MYBL1: variants seen among roughly 807,000 people sequenced by gnomAD.
MYBL1 encodes the protein myb-related protein A.
Under a neutral mutation model 96.3 loss-of-function variants are expected in MYBL1, and 17 were observed. The observed-to-expected ratio is 0.18, with a 90% CI of 0.12 to 0.26. MYBL1 has a LOEUF of 0.26. Ranked by LOEUF, MYBL1 falls within the 10% of genes least tolerant of loss-of-function variation. The pLI, the probability that MYBL1 is intolerant of heterozygous loss-of-function variation, is 1.00. For synonymous variants in MYBL1, 282 were observed against 292.7 expected (o/e 0.96, Z 0.37); for missense variants, 701 against 882.9 (o/e 0.79, Z 2.61).
chr8:66,586,191 G>A (rs1809415091), intron 8 of MYBL1, among the ~76,000 whole-genome samples: 2 of 151,846 alleles, frequency 1.3e-5, no homozygotes, highest in South Asian at 4.2e-4. Context: ...GACTACAGGT[G>A]CTCACCACCA....
At chr8:66,583,794 C>T (rs1380954429) in intron 8 of MYBL1, among the ~76,000 whole-genome samples, 1 of 152,128 alleles carries the variant, frequency 6.6e-6, no homozygotes, top group African/African-American at 2.4e-5. Flanking sequence ...AGACCAATTA[C>T]AAGTAGCAAG....
chr8:66,564,142 T>G lies in MYBL1; in HGVS notation c.*555A>C, dbSNP rs563222820. On this transcript the variant is annotated 3_prime_UTR_variant, in exon 16 of 16. Transcript: ENST00000522677. ...TCAGTACTATGCTCAAATAAATACA[T>G]TTAACACTGTAGTTAATTTTACTGC... 6.6e-6 allele frequency: 1 copy of G among 152,330 alleles called. No individual in the cohort carries two copies. Among genetic ancestry groups the G allele is most frequent in the Non-Finnish European group, 1.5e-5 (1 of 67,842 alleles). The allele number at this position is 152,330 out of a possible 1,614,324, so 9.4% of individuals were successfully genotyped here. A position where few individuals can be genotyped will look rare whatever the true frequency, so the allele number is the denominator to read the frequency against.
chr8:66,580,391 T>G, intron 8 of MYBL1, 25 bp from the exon 9 acceptor site: 1 of 1,471,238 alleles, frequency 6.8e-7, no homozygotes. Flanking sequence ...GAAATTTGAA[T>G]ATTATTTGTC....
chr8:66,570,271 T>C (rs1294986672), intron 12 of MYBL1, among the ~76,000 whole-genome samples: 1 of 152,124 alleles, frequency 6.6e-6, no homozygotes, highest in Admixed American at 6.6e-5. Flanking sequence ...ACAAGGACTT[T>C]AGGTATTTGA....
intron 1 of MYBL1, among the ~76,000 whole-genome samples, chr8:66,603,157 C>T (rs1479560650): frequency 6.6e-6 from 1 of 152,010 alleles, no homozygotes; most frequent in Non-Finnish European, 1.5e-5. Flanking sequence ...CTTTATTTGA[C>T]CTTTATTCTA....
At chr8:66,564,941 T>C in intron 15 of MYBL1, 116 bp from the exon 16 acceptor site, 1 of 602,228 alleles carries the variant, frequency 1.7e-6, no homozygotes, top group Admixed American at 4.0e-5. Flanking sequence ...ACAATAATTA[T>C]AAAAATGTTT....
chr8:66,605,719 G>A (rs1441033040), intron 1 of MYBL1, among the ~76,000 whole-genome samples: 1 of 152,124 alleles, frequency 6.6e-6, no homozygotes, highest in Non-Finnish European at 1.5e-5. Context: ...GGGAGGCTGA[G>A]GCAGGAGAAT....
At chr8:66,612,726 G>A (rs1042478277) in intron 1 of MYBL1, 93 bp downstream of exon 1, 5 of 1,289,164 alleles carry the variant, frequency 3.9e-6, no homozygotes, top group African/African-American at 3.0e-5. Flanking sequence ...CCTCGCCAGG[G>A]AGGGCCTTAT....
At position 66,613,056 on chromosome 8, in the gene MYBL1, C is replaced by T. The variant is rs970085124; in HGVS notation, c.-218G>A. The T allele has an allele frequency of 4.9e-5, 22 of 448,172 alleles. No homozygotes were observed. The highest frequency in any genetic ancestry group is 4.1e-5 in the Non-Finnish European group (11 of 268,370). 27.8% of individuals were successfully genotyped at this position (448,172 alleles called of 1,614,324 possible). ...CCCCGGCCCGCAGCGCCGCTCTTAG[C>T]CCCGGCCCGGCCCGGCCAGGGATAC... On this transcript the variant is annotated 5_prime_UTR_variant, in exon 1 of 16. Transcript: ENST00000522677.
chr8:66,592,541 G>A lies in MYBL1; in HGVS notation c.766C>T (p.Pro256Ser). 6.4e-7 allele frequency: 1 copy of A among 1,568,028 alleles called. No homozygotes were observed. The highest frequency in any genetic ancestry group is 8.6e-7 in the Non-Finnish European group (1 of 1,157,758). ...TTATCAGGATCTTCATCAATGAAGGGTTGCTAAAATAAGTTAAATAAAAGA... is the reference window on the plus strand; with the variant it reads ...TTATCAGGATCTTCATCAATGAAGGATTGCTAAAATAAGTTAAATAAAAGA... ...VQPTSAFIQQPFIDEDPDKEK... is the reference protein window; with the variant it reads ...VQPTSAFIQQSFIDEDPDKEK... The change falls in exon 8 of 16, where the codon CCC (proline) becomes TCC (serine). Residue 256 changes from proline to serine, a missense_variant. Around this residue, in one of 5 missense-constraint regions of MYBL1, gnomAD observed 396 missense variants for 407.4 expected, o/e 0.97. Transcript: ENST00000522677.
At chr8:66,594,475 A>T (rs1314083857) in intron 6 of MYBL1, among the ~76,000 whole-genome samples, 2 of 152,326 alleles carry the variant, frequency 1.3e-5, no homozygotes, top group African/African-American at 4.8e-5. Flanking sequence ...CAATTCTTAC[A>T]GTATAAGAAA....
At chr8:66,586,330 G>A (rs1809421642) in intron 8 of MYBL1, among the ~76,000 whole-genome samples, 1 of 152,098 alleles carries the variant, frequency 6.6e-6, no homozygotes, top group African/African-American at 2.4e-5. Context: ...ACAAGCATGA[G>A]ACAAGGCACC....
chr8:66,607,192 T>G (rs1810352701), intron 1 of MYBL1, among the ~76,000 whole-genome samples: 2 of 152,154 alleles, frequency 1.3e-5, no homozygotes, highest in Admixed American at 6.6e-5. Flanking sequence ...GCAGCCATTT[T>G]CAGCTATCAG....
intron 8 of MYBL1, among the ~76,000 whole-genome samples, chr8:66,589,898 C>T (rs60165103): frequency 0.13 from 20,299 of 152,066 alleles, 3,228 homozygotes; most frequent in African/African-American, 0.38. Flanking sequence ...AGGGAAATCT[C>T]GTCTCTACAA....
At chr8:66,590,174 G>A (rs1809582988) in intron 8 of MYBL1, among the ~76,000 whole-genome samples, 1 of 152,058 alleles carries the variant, frequency 6.6e-6, no homozygotes, top group Non-Finnish European at 1.5e-5. Context: ...ATCCTCTTAA[G>A]TAGTATAAAG....
chr8:66,567,072 T>C (rs1808533881), intron 12 of MYBL1, 80 bp from the exon 13 acceptor site: 1 of 839,830 alleles, frequency 1.2e-6, no homozygotes, highest in South Asian at 1.6e-5. Context: ...ACCCATCTTT[T>C]ATACTTGTCC....
chr8:66,590,860 A>G (rs954187232), intron 8 of MYBL1, among the ~76,000 whole-genome samples: 6 of 152,196 alleles, frequency 3.9e-5, no homozygotes, highest in Non-Finnish European at 4.4e-5. Context: ...ATATCACTGT[A>G]GGATGACTAC....
At chr8:66,592,984 ATAGT>A (rs1809707563) in intron 7 of MYBL1, 132 bp downstream of exon 7, 1 of 553,894 alleles carries the variant, frequency 1.8e-6, no homozygotes, top group Admixed American at 3.4e-5. Flanking sequence ...TTTCTTCTTT[ATAGT>A]TAGAGTACTC....
intron 8 of MYBL1, among the ~76,000 whole-genome samples, chr8:66,585,088 AAAACAAAC>A (rs148029809): frequency 3.3e-5 from 5 of 152,022 alleles, no homozygotes; most frequent in African/African-American, 1.2e-4. Flanking sequence ...CCTGAGCAAA[AAAACAAAC>A]AAACAAACAA....
Sources: allele counts gnomAD v4.1 joint callset (sites outside exome capture counted in the v4.1 genomes callset), GRCh38; gene constraint gnomAD v4.1.1; regional missense constraint gnomAD v4.1.1; transcripts MANE v1.5; gene names NCBI Gene and HGNC (gene_info 2026-07-23, HGNC 2026-07-21).